NBAS: variants seen among roughly 807,000 people sequenced by gnomAD.
The protein encoded by NBAS is NAG/BC035112 fusion.
A neutral mutation model predicts 302.5 loss-of-function variants in NBAS; 219 were observed. The ratio of observed to expected loss-of-function variants is 0.72; its 90% confidence interval spans 0.65 to 0.81. NBAS has a LOEUF of 0.81. NBAS is among the 30% of genes least tolerant of loss of function. NBAS has a pLI of 0.00. For synonymous variants in NBAS, 1,118 were observed against 1,021.6 expected, an observed-to-expected ratio of 1.09 and a Z score of -1.80; for missense variants, 2,932 against 2,841.6, an observed-to-expected ratio of 1.03 and a Z score of -0.72.
chr2:15,541,006 G>T (rs550946291), intron 6 of NBAS, among the ~76,000 whole-genome samples: 2 of 152,108 alleles, frequency 1.3e-5, no homozygotes, highest in East Asian at 3.9e-4. Context: ...TTACAGGCGT[G>T]AGCCACCGCA....
the NBAS span, among the ~76,000 whole-genome samples, chr2:14,999,386 C>T: frequency 2.0e-5 from 3 of 152,244 alleles, no homozygotes; most frequent in Non-Finnish European, 2.9e-5. Flanking sequence ...TATGGTTTGG[C>T]TCTGTGTCCC....
the NBAS span, among the ~76,000 whole-genome samples, chr2:14,982,980 G>A: frequency 6.6e-6 from 1 of 152,124 alleles, no homozygotes; most frequent in Admixed American, 6.6e-5. Flanking sequence ...CCAGGTACGG[G>A]AGGAGTAGGT....
chr2:15,289,348 C>A (rs940636325), intron 41 of NBAS, among the ~76,000 whole-genome samples: 2 of 152,170 alleles, frequency 1.3e-5, no homozygotes, highest in African/African-American at 4.8e-5. Context: ...GCATTCCTCT[C>A]ACCTTGGCCT....
chr2:15,523,900 T>A (rs1042929020), intron 9 of NBAS, among the ~76,000 whole-genome samples: 1 of 152,052 alleles, frequency 6.6e-6, no homozygotes, highest in Non-Finnish European at 1.5e-5. Context: ...GGGAACAGAG[T>A]GAGATTCTGT....
At chr2:14,973,934 T>C in the NBAS span, among the ~76,000 whole-genome samples, 53 of 152,204 alleles carry the variant, frequency 3.5e-4, no homozygotes, top group African/African-American at 1.2e-3. Flanking sequence ...TAACCCCCTC[T>C]GCCTGAAATG....
chr2:15,559,337 T>C (rs760292519), intron 1 of NBAS, among the ~76,000 whole-genome samples: 1 of 152,192 alleles, frequency 6.6e-6, no homozygotes, highest in South Asian at 2.1e-4. Context: ...TCATTGACTA[T>C]CTGTTGTGTA....
At chr2:14,929,523 G>A in the NBAS span, among the ~76,000 whole-genome samples, 14 of 152,044 alleles carry the variant, frequency 9.2e-5, no homozygotes, top group East Asian at 1.9e-4. Context: ...GACTACAGGC[G>A]TGCGCCACCA....
At chr2:14,975,590 T>C in the NBAS span, among the ~76,000 whole-genome samples, 2 of 152,196 alleles carry the variant, frequency 1.3e-5, no homozygotes, top group South Asian at 4.1e-4. Flanking sequence ...CATGGTCTCA[T>C]TTTTTCAGAT....
At chr2:15,458,572 A>G (rs7605730) in intron 21 of NBAS, among the ~76,000 whole-genome samples, 91,690 of 151,694 alleles carry the variant, frequency 0.6, 28,676 homozygotes, top group Non-Finnish European at 0.68. Context: ...ACCTTCCACC[A>G]TGACTGGAAA....
At chr2:15,269,321 T>A (rs986188926) in intron 44 of NBAS, among the ~76,000 whole-genome samples, 2 of 152,166 alleles carry the variant, frequency 1.3e-5, no homozygotes, top group Non-Finnish European at 2.9e-5. Flanking sequence ...TCAGTTAACA[T>A]CCTGATGGGA....
At chr2:15,489,667 T>C (rs952102445) in intron 11 of NBAS, among the ~76,000 whole-genome samples, 5 of 152,228 alleles carry the variant, frequency 3.3e-5, no homozygotes, top group Non-Finnish European at 7.3e-5. Context: ...ATGACTGATT[T>C]CATATAGTCA....
At chr2:14,900,971 T>C in the NBAS span, among the ~76,000 whole-genome samples, 7 of 152,298 alleles carry the variant, frequency 4.6e-5, no homozygotes, top group African/African-American at 1.7e-4. Context: ...ACGGGGGTAG[T>C]GGCTGATACT....
the NBAS span, among the ~76,000 whole-genome samples, chr2:15,027,847 G>A: frequency 3.9e-5 from 6 of 151,900 alleles, no homozygotes; most frequent in African/African-American, 1.2e-4. Context: ...TTGGTATAGC[G>A]ACTGGTGCTG....
intron 15 of NBAS, 134 bp from the exon 16 acceptor site, chr2:15,473,481 A>C: frequency 9.1e-7 from 1 of 1,103,766 alleles, no homozygotes; most frequent in South Asian, 1.4e-5. Flanking sequence ...CTGTGGCACC[A>C]GAAGCTCACA....
At chr2:15,494,393 C>T (rs778094497) in intron 11 of NBAS, among the ~76,000 whole-genome samples, 6 of 152,098 alleles carry the variant, frequency 3.9e-5, no homozygotes, top group African/African-American at 7.2e-5. Flanking sequence ...TTAGAATGTA[C>T]GTAAAGTCAT....
chr2:15,055,878 C>T, the NBAS span, among the ~76,000 whole-genome samples: 1 of 152,082 alleles, frequency 6.6e-6, no homozygotes, highest in Non-Finnish European at 1.5e-5. Context: ...CAGCAGATCC[C>T]AAAATGCAGT....
the NBAS span, among the ~76,000 whole-genome samples, chr2:14,897,419 A>G: frequency 6.6e-6 from 1 of 152,194 alleles, no homozygotes; most frequent in Non-Finnish European, 1.5e-5. Context: ...TATTTTACCA[A>G]GCCATTTATA....
In NBAS at chr2:15,218,894, C is replaced by T. The variant is rs773412024; in HGVS notation, c.6311G>A (p.Arg2104Gln). ...AATCTGCAGCACGTGAATGCGGGGC[C>T]GCACCGGCCAGGCGTCATCAGCACA... ...PFCADDAWPVRPRIHVLQILG... is the reference protein window; with the variant it reads ...PFCADDAWPVQPRIHVLQILG... The change falls in exon 48 of 52, where the codon CGG becomes CAG. Residue 2104 changes from arginine to glutamine, a missense_variant. By Grantham distance (43) the Arg-to-Gln change is conservative. Coordinates refer to ENST00000281513, the MANE Select transcript of NBAS (RefSeq NM_015909.4). 2.5e-5 allele frequency: 41 copies of T among 1,614,114 alleles called. No homozygotes were observed. Among genetic ancestry groups the T allele is most frequent in the Middle Eastern group, 1.6e-4 (1 of 6,084 alleles).
the NBAS span, among the ~76,000 whole-genome samples, chr2:14,914,361 C>T: frequency 6.6e-6 from 1 of 152,156 alleles, no homozygotes; most frequent in Admixed American, 6.5e-5. Flanking sequence ...TGGGGGTTGC[C>T]CTTGGGAAGA....
Sources: allele counts gnomAD v4.1 joint callset (sites outside exome capture counted in the v4.1 genomes callset), GRCh38; gene constraint gnomAD v4.1.1; transcripts MANE v1.5; gene names NCBI Gene and HGNC (gene_info 2026-07-23, HGNC 2026-07-21).